ADGRE3: variants seen among roughly 807,000 people sequenced by gnomAD.
The protein encoded by ADGRE3 is EGF-like module receptor 3.
A neutral mutation model predicts 80.1 loss-of-function variants in ADGRE3; 88 were observed. That is an observed-to-expected ratio of 1.10 (90% CI 0.93 to 1.31). The LOEUF (loss-of-function observed/expected upper bound fraction) is 1.31, where lower values mean the gene tolerates loss of function less well. ADGRE3 is among the 40% of genes most tolerant of loss of function. ADGRE3 has a pLI of 0.00. For missense variants in ADGRE3, 715 were observed against 776.5 expected (o/e 0.92, Z 0.94); for synonymous variants, 281 against 294.8 (o/e 0.95, Z 0.48).
chr19:14,643,039 C>A (rs538423720), intron 9 of ADGRE3, among the ~76,000 whole-genome samples: 23 of 152,278 alleles, frequency 1.5e-4, no homozygotes, highest in African/African-American at 5.3e-4. Flanking sequence ...CAATTTACAA[C>A]CCCACCAACA....
rs1972352989 is a variant in ADGRE3, at chr19:14,674,833, A to G, written c.-63T>C. On this transcript the variant is annotated 5_prime_UTR_variant, in exon 1 of 16. Coordinates refer to ENST00000253673, the MANE Select transcript of ADGRE3 (RefSeq NM_032571.5). ...AAGCTCTCTACTGTGCCGTAAGCCA[A>G]CCACCTTTCCTAGCTCAAGAAATCC... 6.4e-7 allele frequency: 1 copy of G among 1,551,116 alleles called. No homozygotes were observed. Among genetic ancestry groups the G allele is most frequent in the Non-Finnish European group, 8.8e-7 (1 of 1,133,148 alleles).
intron 14 of ADGRE3, among the ~76,000 whole-genome samples, 164 bp from the exon 15 acceptor site, chr19:14,625,763 A>C (rs1970722754): frequency 6.6e-6 from 1 of 152,178 alleles, no homozygotes; most frequent in South Asian, 2.1e-4. Context: ...TAAAGGAAGG[A>C]GATTCTGACA....
At chr19:14,639,693 G>A (rs935992296) in intron 10 of ADGRE3, among the ~76,000 whole-genome samples, 3 of 152,122 alleles carry the variant, frequency 2.0e-5, no homozygotes, top group African/African-American at 7.2e-5. Flanking sequence ...AGGGATTGCA[G>A]GTGTCAGCCA....
At chr19:14,653,151 T>A (rs938735876) in intron 6 of ADGRE3, among the ~76,000 whole-genome samples, 2 of 151,600 alleles carry the variant, frequency 1.3e-5, no homozygotes, top group African/African-American at 4.8e-5. Flanking sequence ...CCTGGCTAAT[T>A]TTTTTTAGTA....
In ADGRE3 at chr19:14,646,765, C is replaced by T. The variant is rs115620217; in HGVS notation, c.882+416G>A. Among the ~76,000 whole-genome samples the T allele has an allele frequency of 4.2e-3, 605 of 143,104 alleles. 4 individuals carry two copies. Among genetic ancestry groups the T allele is most frequent in the African/African-American group, 0.014 (560 of 38,732 alleles). The allele number at this position is 143,104 out of a possible 152,430, so 93.9% of individuals were successfully genotyped here. A position where few individuals can be genotyped will look rare whatever the true frequency, so the allele number is the denominator to read the frequency against. On this transcript the variant is annotated intron_variant, in intron 8 of 15. Transcript: ENST00000253673. ...TTGTTTCTTTGTTTCTTTTCTTCTT[C>T]TCCTTACTGTTTTTCTTCTTCTTCC...
intron 2 of ADGRE3, among the ~76,000 whole-genome samples, chr19:14,668,284 A>T (rs888285205): frequency 2.0e-5 from 3 of 152,122 alleles, no homozygotes; most frequent in Admixed American, 6.6e-5. Context: ...AGAGACTCTC[A>T]GGTTCCACCC....
At chr19:14,607,030 A>G in the ADGRE3 span, 4 of 1,331,186 alleles carry the variant, frequency 3.0e-6, no homozygotes, top group South Asian at 2.0e-5. Context: ...CCACGGGTGT[A>G]CTGGCTGGGG....
At position 14,622,189 on chromosome 19, in the gene ADGRE3, G is replaced by A. The variant is rs879202670; in HGVS notation, c.1921-2718C>T. 3.0e-6 allele frequency: 3 copies of A among 1,000,860 alleles called. 1 individual carries two copies. Among genetic ancestry groups the A allele is most frequent in the South Asian group, 3.3e-5 (2 of 61,340 alleles). 62.0% of individuals were successfully genotyped at this position (1,000,860 alleles called of 1,614,324 possible). On this transcript the variant is annotated intron_variant, in intron 15 of 15. Transcript: ENST00000253673. Reference sequence around the variant, plus strand: ...CTGTACACTTACAGACACCACACTCGCAGATGCCCCGGCCATTGCAGATCT... The same window carrying A: ...CTGTACACTTACAGACACCACACTCACAGATGCCCCGGCCATTGCAGATCT...
intron 5 of ADGRE3, among the ~76,000 whole-genome samples, chr19:14,655,923 T>C (rs1434207405): frequency 6.6e-6 from 1 of 151,336 alleles, no homozygotes; most frequent in Non-Finnish European, 1.5e-5. Context: ...AACAAGGGAG[T>C]GGTTGCCACT....
chr19:14,620,559 T>TA (rs1970564063), intron 15 of ADGRE3, among the ~76,000 whole-genome samples: 1 of 38,438 alleles, frequency 2.6e-5, no homozygotes. Context: ...TATATATATA[T>TA]ATATATATAT....
At chr19:14,615,620 G>A (rs900473266), downstream of ADGRE3, among the ~76,000 whole-genome samples, 4 of 151,388 alleles carry the variant, frequency 2.6e-5, no homozygotes, top group Non-Finnish European at 5.9e-5. Context: ...AAATTAGCCG[G>A]GCGTGGTGGT....
At position 14,638,189 on chromosome 19, in the gene ADGRE3, A is replaced by G. The variant is rs143690127; in HGVS notation, c.1400T>C (p.Met467Thr). ...GGGAACGCCATAGCCGACTGGGAAC[A>G]TGATCCACTTCATGAGTCTATTGAT... ...SSINRLMKWI[M>T]FPVGYGVPAV... Residue 467 changes from methionine to threonine, a missense_variant, in exon 11 of 16, where the codon ATG (methionine) becomes ACG (threonine). Physicochemically the swap from Met to Thr is moderately conservative, Grantham distance 81. Coordinates refer to ENST00000253673, the MANE Select transcript of ADGRE3 (RefSeq NM_032571.5). 365 of 1,614,168 alleles carry G rather than the reference A, an allele frequency of 2.3e-4. 1 individual carries two copies. The highest frequency in any genetic ancestry group is 1.3e-4 in the Non-Finnish European group (159 of 1,180,030).
downstream of ADGRE3, among the ~76,000 whole-genome samples, chr19:14,614,151 T>C (rs1181435927): frequency 1.3e-5 from 2 of 152,156 alleles, no homozygotes; most frequent in East Asian, 3.9e-4. Flanking sequence ...CAAAGCCAGC[T>C]CCTGTACTGT....
intron 6 of ADGRE3, among the ~76,000 whole-genome samples, chr19:14,654,475 G>C (rs1212595091): frequency 6.6e-6 from 1 of 151,584 alleles, no homozygotes; most frequent in Non-Finnish European, 1.5e-5. Flanking sequence ...ATGTTGCCCA[G>C]GCCAGTCTTG....
At chr19:14,607,491 C>G in the ADGRE3 span, among the ~76,000 whole-genome samples, 5 of 151,686 alleles carry the variant, frequency 3.3e-5, no homozygotes, top group Admixed American at 2.6e-4. Flanking sequence ...GCGTGAGCCA[C>G]CGCGCCCGGC....
chr19:14,636,154 CT>C lies in ADGRE3; in HGVS notation c.1484+1950del, dbSNP rs770822924. On this transcript the variant is annotated intron_variant, in intron 11 of 15. Transcript: ENST00000253673. Reference sequence around the variant, plus strand: ...TCTTTCTTTCTTTCTTTCTTTCTTCCTTTCCTCCTTTCCTTTCCTTTCCTTC... The same window carrying C: ...TCTTTCTTTCTTTCTTTCTTTCTTCCTTCCTCCTTTCCTTTCCTTTCCTTC... Among the ~76,000 whole-genome samples the C allele has an allele frequency of 5.5e-4, 57 of 103,494 alleles. 1 individual carries two copies. Among genetic ancestry groups the C allele is most frequent in the East Asian group, 1.9e-3 (6 of 3,180 alleles). The allele number at this position is 103,494 out of a possible 152,430, so 67.9% of individuals were successfully genotyped here.
chr19:14,621,812 C>A lies in ADGRE3; in HGVS notation c.1921-2341G>T, dbSNP rs113751535. 885 of 1,039,338 alleles carry A rather than the reference C, an allele frequency of 8.5e-4. 334 individuals carry two copies. In the African/African-American group the frequency reaches 0.018, roughly 21 times the overall value. 64.4% of individuals were successfully genotyped at this position (1,039,338 alleles called of 1,614,324 possible). ...TAATGCAAGGCCAATAAGAACAATT[C>A]CAGCAACCACACCAGCTACAATTGG... On this transcript the variant is annotated intron_variant, in intron 15 of 15. Coordinates refer to ENST00000253673, the MANE Select transcript of ADGRE3 (RefSeq NM_032571.5).
chr19:14,674,657 AGAG>A, intron 1 of ADGRE3, 86 bp downstream of exon 1: 1 of 1,332,744 alleles, frequency 7.5e-7, no homozygotes, highest in Non-Finnish European at 1.1e-6. Context: ...AGCAGAAGAA[AGAG>A]GAGGAGAAAA....
chr19:14,657,746 T>TA (rs57153320), intron 5 of ADGRE3, among the ~76,000 whole-genome samples: 5,220 of 108,056 alleles, frequency 0.048, 126 homozygotes, highest in African/African-American at 0.12. Context: ...TATATATATA[T>TA]TTTTTTGTTT....
Sources: allele counts gnomAD v4.1 joint callset (sites outside exome capture counted in the v4.1 genomes callset), GRCh38; gene constraint gnomAD v4.1.1; transcripts MANE v1.5; gene names NCBI Gene and HGNC (gene_info 2026-07-23, HGNC 2026-07-21).